The following SAFB variants were observed in gnomAD, a reference collection of about 807,000 sequenced individuals.
SAFB encodes the protein scaffold attachment factor B1.
A neutral mutation model predicts 101.6 loss-of-function variants in SAFB; 15 were observed. The observed-to-expected ratio is 0.15, with a 90% CI of 0.10 to 0.23. The LOEUF is 0.23. Ranked by LOEUF, SAFB falls within the 10% of genes least tolerant of loss-of-function variation. SAFB has a pLI of 1.00. For missense variants in SAFB, 930 were observed against 1,104.1 expected, an observed-to-expected ratio of 0.84 and a Z score of 2.23; for synonymous variants, 449 against 407.5, an observed-to-expected ratio of 1.10 and a Z score of -1.23.
rs769991095 is a variant in SAFB at position 5,641,546 on chromosome 19, T to C, written c.275-48T>C. The C allele has an allele frequency of 2.0e-6, 3 of 1,517,912 alleles. No individual in the cohort carries two copies. In the South Asian group the frequency reaches 3.4e-5, roughly 17 times the overall value. 94.0% of individuals were successfully genotyped at this position (1,517,912 alleles called of 1,614,324 possible). ...AGTGCTCAGGGCATTGTTGCTTCTG[T>C]AAAGTGCGTATCATTTGATCTCATG... On this transcript the variant is annotated intron_variant, in intron 2 of 20. Transcript: ENST00000588852.
At chr19:5,653,450 G>A (rs750601291) in intron 11 of SAFB, 30 bp downstream of exon 11, 1 of 1,596,702 alleles carries the variant, frequency 6.3e-7, no homozygotes, top group Non-Finnish European at 8.6e-7. Context: ...AAATTAAAGG[G>A]GCAGGGTGTT....
At chr19:5,632,934 C>G (rs1183243623) in intron 2 of SAFB, among the ~76,000 whole-genome samples, 2 of 152,188 alleles carry the variant, frequency 1.3e-5, no homozygotes, top group Non-Finnish European at 2.9e-5. Flanking sequence ...TATCCAGAGG[C>G]ACATGCTGTC....
At chr19:5,654,477 T>A in intron 13 of SAFB, 21 bp downstream of exon 13, 1 of 1,365,790 alleles carries the variant, frequency 7.3e-7, no homozygotes, top group Non-Finnish European at 1.0e-6. Context: ...ATTTTCTAAC[T>A]AGGGTATTTT....
chr19:5,660,979 A>G (rs1039716356), intron 14 of SAFB, among the ~76,000 whole-genome samples: 2 of 108,792 alleles, frequency 1.8e-5, no homozygotes, highest in East Asian at 3.2e-4. Context: ...GCCGGGCTGG[A>G]GTGCAGTGGC....
chr19:5,653,234 G>T lies in SAFB; in HGVS notation c.1413G>T (p.Glu471Asp). 6.2e-7 allele frequency: 1 copy of T among 1,614,132 alleles called. No individual in the cohort carries two copies. Among genetic ancestry groups the T allele is most frequent in the Non-Finnish European group, 8.5e-7 (1 of 1,180,036 alleles). ...GCATTAACCACCTGCACAAGACGGAGCTCCACGGAAAGATGATCTCCGTGG... is the reference window on the plus strand; with the variant it reads ...GCATTAACCACCTGCACAAGACGGATCTCCACGGAAAGATGATCTCCGTGG... ...TKCINHLHKT[E>D]LHGKMISVEK... Residue 471 changes from glutamate (E) to aspartate (D), a missense_variant, in exon 10 of 21, where the codon GAG becomes GAT. Physicochemically the swap from Glu to Asp is conservative, Grantham distance 45 (BLOSUM62 2). This residue lies in a region of SAFB where 68 missense variants were observed against 122.1 expected (regional missense o/e 0.56). Coordinates refer to ENST00000588852, the MANE Select transcript of SAFB (RefSeq NM_001201338.2).
intron 2 of SAFB, among the ~76,000 whole-genome samples, chr19:5,638,285 A>G (rs902058836): frequency 2.0e-5 from 3 of 152,050 alleles, no homozygotes; most frequent in African/African-American, 7.2e-5. Context: ...CAGCCTCTTG[A>G]TGTTTTTCAC....
chr19:5,653,072 G>T, intron 9 of SAFB, 43 bp from the exon 10 acceptor site: 1 of 1,610,418 alleles, frequency 6.2e-7, no homozygotes, highest in Non-Finnish European at 8.5e-7. Flanking sequence ...GCCCCGCTCA[G>T]TGGGCTTCAT....
chr19:5,628,712 G>A (rs184654646), intron 2 of SAFB, among the ~76,000 whole-genome samples: 1 of 152,278 alleles, frequency 6.6e-6, no homozygotes, highest in Admixed American at 6.5e-5. Context: ...CAGTGTTTGG[G>A]GTAAGTGCTG....
intron 2 of SAFB, among the ~76,000 whole-genome samples, chr19:5,628,517 A>G (rs1364726129): frequency 6.6e-6 from 1 of 152,174 alleles, no homozygotes; most frequent in African/African-American, 2.4e-5. Flanking sequence ...TCCACACATC[A>G]GGTGTGGAAT....
Position 5,653,345 on chromosome 19 carries a change from A to G in SAFB, c.1451A>G (p.Asn484Ser), listed in dbSNP as rs1417489025. Residue 484 changes from asparagine to serine, a missense_variant, in exon 11 of 21, where the codon AAT becomes AGT. Around this residue, in one of 7 missense-constraint regions of SAFB, gnomAD observed 92 missense variants for 83.8 expected, o/e 1.10. Coordinates refer to ENST00000588852, the MANE Select transcript of SAFB (RefSeq NM_001201338.2). ...CTTGATTCTCTTTTTCAGGCCAAAA[A>G]TGAACCTGTGGGAAAGAAAACCTCT... ...GKMISVEKAK[N>S]EPVGKKTSDK... 2 of 1,614,102 alleles carry G rather than the reference A, an allele frequency of 1.2e-6. No individual in the cohort carries two copies. Among genetic ancestry groups the G allele is most frequent in the East Asian group, 2.2e-5 (1 of 44,902 alleles).
At chr19:5,659,271 C>T (rs891545649) in intron 14 of SAFB, among the ~76,000 whole-genome samples, 1 of 152,126 alleles carries the variant, frequency 6.6e-6, no homozygotes, top group African/African-American at 2.4e-5. Flanking sequence ...CACCATTGCA[C>T]TCCAGCCTGG....
chr19:5,626,367 G>T, intron 1 of SAFB, 38 bp from the exon 2 acceptor site: 1 of 1,231,380 alleles, frequency 8.1e-7, no homozygotes, highest in South Asian at 1.2e-5. Flanking sequence ...TGTGTGAGCT[G>T]ACTTTTTGGA....
intron 7 of SAFB, 118 bp from the exon 8 acceptor site, chr19:5,649,808 A>G: frequency 1.1e-6 from 1 of 933,492 alleles, no homozygotes; most frequent in Non-Finnish European, 1.7e-6. Context: ...TTGTCGGGGT[A>G]TCATTTTTTC....
rs1470640958 is a variant in SAFB at position 5,626,497 on chromosome 19, G to A, written c.274+8G>A. The A allele has an allele frequency of 1.8e-5, 28 of 1,535,424 alleles. 2 individuals are homozygous for A. The highest frequency in any genetic ancestry group is 2.3e-5 in the Non-Finnish European group (25 of 1,111,098). ...CAAAGAGGTCTAGCAAAGGTATGGA[G>A]GATTTCATAAGCAAGTTTCATGTTA... On this transcript the variant is annotated splice_region_variant and intron_variant, in intron 2 of 20. Coordinates refer to ENST00000588852, the MANE Select transcript of SAFB (RefSeq NM_001201338.2).
intron 20 of SAFB, 97 bp from the exon 21 acceptor site, chr19:5,668,065 C>A: frequency 3.3e-6 from 5 of 1,516,996 alleles, no homozygotes; most frequent in Non-Finnish European, 4.4e-6. Context: ...TAGGAAGGGG[C>A]CCTGCCTGCA....
rs559346961 is a variant in SAFB, at chr19:5,667,280, C to A, written c.2454-67C>A. 2 of 1,332,406 alleles carry A rather than the reference C, an allele frequency of 1.5e-6. No individual in the cohort carries two copies. The highest frequency in any genetic ancestry group is 2.0e-6 in the Non-Finnish European group (2 of 986,268). 82.5% of individuals were successfully genotyped at this position (1,332,406 alleles called of 1,614,324 possible). A position where few individuals can be genotyped will look rare whatever the true frequency, so the allele number is the denominator to read the frequency against. ...ACAGAGGGATTCACTCTCCAGAAGC[C>A]GCCACAGTTATTAGCACAAGAGCCA... On this transcript the variant is annotated intron_variant, in intron 18 of 20. Coordinates refer to ENST00000588852, the MANE Select transcript of SAFB (RefSeq NM_001201338.2). The surrounding 1 kb of genome is among the most constrained non-coding windows in gnomAD (Gnocchi z 4.0).
At chr19:5,632,217 G>A (rs1386374240) in intron 2 of SAFB, among the ~76,000 whole-genome samples, 8 of 152,240 alleles carry the variant, frequency 5.3e-5, no homozygotes, top group Admixed American at 3.3e-4. Flanking sequence ...GGCTTGTTTT[G>A]TTCAGTTTTT....
intron 14 of SAFB, 123 bp from the exon 15 acceptor site, chr19:5,661,395 C>T: frequency 6.6e-7 from 1 of 1,516,336 alleles, no homozygotes; most frequent in East Asian, 2.3e-5. Flanking sequence ...GTGTACGGTT[C>T]TGCAGACCAC....
chr19:5,664,521 T>A lies in SAFB; in HGVS notation c.2334+82T>A. 2.8e-6 allele frequency: 3 copies of A among 1,074,686 alleles called. No homozygotes were observed. In the South Asian group the frequency reaches 3.8e-5, roughly 14 times the overall value. The allele number at this position is 1,074,686 out of a possible 1,614,324, so 66.6% of individuals were successfully genotyped here. A position where few individuals can be genotyped will look rare whatever the true frequency, so the allele number is the denominator to read the frequency against. On this transcript the variant is annotated intron_variant, in intron 17 of 20. Coordinates refer to ENST00000588852, the MANE Select transcript of SAFB (RefSeq NM_001201338.2). Reference sequence around the variant, plus strand: ...CCTTCAGCGTGCCTTCTTCCTGCCCTTTCTTTGAGCAAGAGGCAAAATGAG... The same window carrying A: ...CCTTCAGCGTGCCTTCTTCCTGCCCATTCTTTGAGCAAGAGGCAAAATGAG...
Sources: allele counts gnomAD v4.1 joint callset (sites outside exome capture counted in the v4.1 genomes callset), GRCh38; gene constraint gnomAD v4.1.1; regional missense constraint gnomAD v4.1.1; non-coding constraint Gnocchi (gnomAD v3.1); transcripts MANE v1.5; gene names NCBI Gene and HGNC (gene_info 2026-07-23, HGNC 2026-07-21).